DCHS2: variants seen among roughly 807,000 people sequenced by gnomAD.
DCHS2 encodes dachsous cadherin-related 2.
In DCHS2, 142 loss-of-function variants were observed where a neutral mutation model predicts 182.4. The observed-to-expected ratio is 0.78, with a 90% CI of 0.68 to 0.89. The LOEUF is 0.89. DCHS2 is among the 40% of genes least tolerant of loss of function. DCHS2 has a pLI of 0.00. For synonymous variants in DCHS2, 1,740 were observed against 1,663.3 expected (o/e 1.05, Z -1.12); for missense variants, 4,319 against 4,198.6 (o/e 1.03, Z -0.79).
intron 1 of DCHS2, among the ~76,000 whole-genome samples, chr4:154,393,229 C>T (rs964135368): frequency 6.6e-6 from 1 of 152,138 alleles, no homozygotes; most frequent in Non-Finnish European, 1.5e-5. Context: ...ACAGATAACT[C>T]TAAACATGCC....
rs112514539 is a variant in DCHS2, at chr4:154,320,859, G to C, written c.4540C>G (p.Leu1514Val). 9.3e-6 allele frequency: 15 copies of C among 1,614,020 alleles called. No homozygotes were observed. The highest frequency in any genetic ancestry group is 1.2e-5 in the Non-Finnish European group (14 of 1,180,002). ...NDHSPSFQDE[L>V]IVISVEENVP... ...TTCTCCTCTACACTGATCACAATGAGCTCATCCTGGAAAGATGGGGAATGG... is the reference window on the plus strand; with the variant it reads ...TTCTCCTCTACACTGATCACAATGACCTCATCCTGGAAAGATGGGGAATGG... The change falls in exon 9 of 20, where the codon CTC becomes GTC. Residue 1514 changes from leucine (L) to valine (V), a missense_variant. Leu to Val is a conservative substitution (Grantham distance 32, BLOSUM62 1). Coordinates refer to ENST00000357232, the MANE Select transcript of DCHS2 (RefSeq NM_001358235.2).
At chr4:154,440,658 T>C (rs964286375) in intron 1 of DCHS2, among the ~76,000 whole-genome samples, 1 of 152,116 alleles carries the variant, frequency 6.6e-6, no homozygotes, top group African/African-American at 2.4e-5. Context: ...CTAAGAAAGA[T>C]GAGTATATCT....
chr4:154,366,150 T>C, intron 3 of DCHS2, 60 bp downstream of exon 3: 2 of 1,381,700 alleles, frequency 1.4e-6, no homozygotes, highest in South Asian at 1.2e-5. Context: ...TTTCTGGCTG[T>C]TAAGTAGTTA....
chr4:154,252,540 C>A (rs1178940152), intron 16 of DCHS2, among the ~76,000 whole-genome samples: 1 of 151,802 alleles, frequency 6.6e-6, no homozygotes, highest in East Asian at 1.9e-4. Flanking sequence ...TGCTTGAGTT[C>A]ATTTGTTGTA....
rs1449976097 is a variant in DCHS2 at position 154,489,730 on chromosome 4, C to T, written c.1626G>A (p.Gln542=). Residue 542 remains glutamine, a synonymous_variant, in exon 1 of 20, where the codon CAG becomes CAA. Coordinates refer to ENST00000357232, the MANE Select transcript of DCHS2 (RefSeq NM_001358235.2). ...CCTCGGACACTGAGGCCTTGTAATG[C>T]TGTTGGCTGAAGAGAGGTGGTTGGT... ...LNDQPPLFSQ[Q]HYKASVSEAA... is the part of the protein sequence containing the mutation. 2 of 1,551,680 alleles carry T rather than the reference C, an allele frequency of 1.3e-6. No homozygotes were observed. Among genetic ancestry groups the T allele is most frequent in the Admixed American group, 2.0e-5 (1 of 51,010 alleles).
chr4:154,250,632 TTGG>T (rs1732306994), intron 16 of DCHS2, among the ~76,000 whole-genome samples: 1 of 152,160 alleles, frequency 6.6e-6, no homozygotes, highest in Non-Finnish European at 1.5e-5. Flanking sequence ...ATAAATTCAA[TTGG>T]TGATCAAGTT....
rs781661022 is a variant in DCHS2, at chr4:154,329,680, C to G, written c.3761G>C (p.Arg1254Pro). 1.9e-6 allele frequency: 3 copies of G among 1,611,984 alleles called. No individual in the cohort carries two copies. The highest frequency in any genetic ancestry group is 1.7e-6 in the Non-Finnish European group (2 of 1,179,800). Reference protein sequence around the residue: ...GELINWVALDREHRGHHEMTV... With the variant: ...GELINWVALDPEHRGHHEMTV... ...CATCTCATGGTGCCCCCGGTGCTCA[C>G]GATCCAGTGCCACCCAATTGATTAA... Residue 1254 changes from arginine (R) to proline (P), a missense_variant, in exon 6 of 20, where the codon CGT becomes CCT. By Grantham distance (103) the Arg-to-Pro change is moderately radical (BLOSUM62 -2). Coordinates refer to ENST00000357232, the MANE Select transcript of DCHS2 (RefSeq NM_001358235.2).
At position 154,366,295 on chromosome 4, in the gene DCHS2, G is replaced by T. The variant is rs772881929; in HGVS notation, c.2391C>A (p.Asp797Glu). ...CTGTCCCATATATCCCAGAGTCCTG[G>T]TCAGTGGCAAGAACATTGATGATCT... is the stretch of plus-strand genomic sequence containing the variant. The part of the protein sequence containing the change: ...GTEIINVLAT[D>E]QDSGIYGTVA... The change falls in exon 3 of 20, where the codon GAC becomes GAA. Residue 797 changes from aspartate (D) to glutamate (E), a missense_variant. Coordinates refer to ENST00000357232, the MANE Select transcript of DCHS2 (RefSeq NM_001358235.2). 6.2e-7 allele frequency: 1 copy of T among 1,613,706 alleles called. No individual in the cohort carries two copies. Among genetic ancestry groups the T allele is most frequent in the Non-Finnish European group, 8.5e-7 (1 of 1,179,948 alleles).
At chr4:154,412,871 C>T (rs1003437304) in intron 1 of DCHS2, among the ~76,000 whole-genome samples, 2 of 152,222 alleles carry the variant, frequency 1.3e-5, no homozygotes, top group Non-Finnish European at 2.9e-5. Context: ...TGGTCTTGTT[C>T]GACACAGTGA....
chr4:154,366,556 G>T lies in DCHS2; in HGVS notation c.2245-115C>A, dbSNP rs1046765407. 10 of 717,606 alleles carry T rather than the reference G, an allele frequency of 1.4e-5. No individual in the cohort carries two copies. In the Admixed American group the frequency reaches 1.7e-4, roughly 12 times the overall value. 44.5% of individuals were successfully genotyped at this position (717,606 alleles called of 1,614,324 possible). On this transcript the variant is annotated intron_variant, in intron 2 of 19. Transcript: ENST00000357232. ...AACAACAGAATTTGAATATGTGGGGGTTTGTATATGTATATGTGTGTATAC... is the reference window on the plus strand; with the variant it reads ...AACAACAGAATTTGAATATGTGGGGTTTTGTATATGTATATGTGTGTATAC...
chr4:154,438,752 T>C (rs1005690155), intron 1 of DCHS2, among the ~76,000 whole-genome samples: 3 of 152,354 alleles, frequency 2.0e-5, no homozygotes, highest in Non-Finnish European at 2.9e-5. Context: ...TCTGTTGTTA[T>C]AGCAGATGTA....
At chr4:154,421,151 A>C (rs1338664529) in intron 1 of DCHS2, among the ~76,000 whole-genome samples, 5 of 152,210 alleles carry the variant, frequency 3.3e-5, no homozygotes, top group African/African-American at 9.6e-5. Context: ...ATGCAGCTTT[A>C]TGGAACTTTA....
At chr4:154,417,234 A>AGAGAGAGAGAGAGAGG (rs1732896187) in intron 1 of DCHS2, among the ~76,000 whole-genome samples, 2 of 150,282 alleles carry the variant, frequency 1.3e-5, no homozygotes, top group Non-Finnish European at 3.0e-5. Context: ...AGAGAGAGAG[A>AGAGAGAGAGAGAGAGG]GAGAGAGAGA....
chr4:154,469,368 G>C (rs1224903673), intron 1 of DCHS2, among the ~76,000 whole-genome samples: 1 of 151,964 alleles, frequency 6.6e-6, no homozygotes, highest in South Asian at 2.1e-4. Context: ...ATGCAAATTA[G>C]CTTTGAACTT....
chr4:154,260,720 G>A (rs567760608), intron 14 of DCHS2, among the ~76,000 whole-genome samples: 8 of 152,072 alleles, frequency 5.3e-5, no homozygotes, highest in East Asian at 1.9e-4. Flanking sequence ...CTGCATCATC[G>A]CTTTGTTCAC....
intron 1 of DCHS2, among the ~76,000 whole-genome samples, chr4:154,487,181 G>A (rs1728619202): frequency 6.6e-6 from 1 of 152,188 alleles, no homozygotes; most frequent in African/African-American, 2.4e-5. Context: ...AAGGAATATT[G>A]GAAGTCAACT....
intron 2 of DCHS2, among the ~76,000 whole-genome samples, chr4:154,370,751 G>A (rs562649054): frequency 6.6e-6 from 1 of 152,258 alleles, no homozygotes; most frequent in Admixed American, 6.5e-5. Context: ...AAGCAGACCT[G>A]TTATTTTTCT....
chr4:154,485,863 C>G (rs1728562874), intron 1 of DCHS2, among the ~76,000 whole-genome samples: 1 of 152,214 alleles, frequency 6.6e-6, no homozygotes, highest in Non-Finnish European at 1.5e-5. Context: ...CTCACAACAT[C>G]AGACTTAGTG....
rs370268335 is a variant in DCHS2, at chr4:154,384,392, G to A, written c.2053-6948C>T. On this transcript the variant is annotated intron_variant, in intron 1 of 19. Transcript: ENST00000357232. ...CCTCAGTTTCCTTCACTGGTTTTGC[G>A]TTCTCTTCCTGGCTTCTGAACACTA... The A allele has an allele frequency of 1.7e-4, 280 of 1,612,890 alleles. 1 individual carries two copies. Among genetic ancestry groups the A allele is most frequent in the South Asian group, 4.2e-4 (38 of 90,938 alleles).
Sources: gnomAD v4.1 joint callset for allele counts (sites outside exome capture counted in the v4.1 genomes callset) on GRCh38, gnomAD v4.1.1 for gene constraint, MANE v1.5 for transcripts, NCBI Gene and HGNC (gene_info 2026-07-23, HGNC 2026-07-21) for gene names.